Variants in SESN3 observed in about 807,000 individuals in gnomAD.
SESN3 encodes sestrin-3.
A neutral mutation model predicts 55.3 loss-of-function variants in SESN3; 21 were observed. The ratio of observed to expected loss-of-function variants is 0.38; its 90% CI spans 0.27 to 0.55. The LOEUF is 0.55. SESN3 is among the 20% of genes least tolerant of loss of function. The pLI, the probability that SESN3 is intolerant of heterozygous loss-of-function variation, is 0.76. For synonymous variants in SESN3, 181 were observed against 203.1 expected (o/e 0.89, Z 0.93); for missense variants, 408 against 604.3 (o/e 0.68, Z 3.41).
chr11:95,230,873 C>A lies in SESN3; in HGVS notation c.-13G>T, dbSNP rs1861046278. The A allele has an allele frequency of 5.1e-6, 8 of 1,564,484 alleles. No homozygotes were observed. The highest frequency in any genetic ancestry group is 1.1e-5 in the South Asian group (1 of 87,022). ...CGCCCCGGTTCATCGTGGCTGCGGG[C>A]GCCGAGGCGAGAGCGGGCGGAGGGC... is the stretch of plus-strand genomic sequence containing the variant. On this transcript the variant is annotated 5_prime_UTR_variant, in exon 1 of 10. Transcript: ENST00000536441. This position sits in a 1 kb window ranked among gnomAD's most constrained non-coding sequence, Gnocchi z 4.6.
At chr11:95,196,379 T>G (rs1860361030) in intron 1 of SESN3, among the ~76,000 whole-genome samples, 1 of 152,170 alleles carries the variant, frequency 6.6e-6, no homozygotes, top group Non-Finnish European at 1.5e-5. Flanking sequence ...TTCCACCCAC[T>G]TTTCTATCTC....
chr11:95,220,951 A>T (rs960378620), intron 1 of SESN3, among the ~76,000 whole-genome samples: 10 of 152,248 alleles, frequency 6.6e-5, no homozygotes, highest in African/African-American at 2.2e-4. Context: ...TGCTTAGCAC[A>T]TAAGTAGTAT....
intron 5 of SESN3, 126 bp from the exon 6 acceptor site, chr11:95,184,720 G>T: frequency 1.3e-6 from 1 of 758,170 alleles, no homozygotes; most frequent in East Asian, 2.6e-5. Flanking sequence ...TCTTAAGTCG[G>T]TTTTTCACCA....
At chr11:95,201,752 A>C (rs1860464083) in intron 1 of SESN3, among the ~76,000 whole-genome samples, 1 of 152,060 alleles carries the variant, frequency 6.6e-6, no homozygotes, top group African/African-American at 2.4e-5. Context: ...TAAATCTAAA[A>C]TCACATTCAT....
chr11:95,191,581 C>T lies in SESN3; in HGVS notation c.165G>A (p.Val55=), dbSNP rs1234909249. Residue 55 remains valine, a synonymous_variant, in exon 3 of 10, where the codon GTG becomes GTA. Transcript: ENST00000536441. ...CCACAAGAAAGTTAGTACGTTCATC[C>T]ACTGTGTTTGCTTGGACAACCTTAT... ...PEKEVVQANT[V]DERTNFLVEE... The T allele has an allele frequency of 1.9e-6, 3 of 1,612,292 alleles. No homozygotes were observed. In the East Asian group the frequency reaches 6.7e-5, roughly 36 times the overall value.
chr11:95,196,364 T>C (rs1860360752), intron 1 of SESN3, among the ~76,000 whole-genome samples: 1 of 152,160 alleles, frequency 6.6e-6, no homozygotes, highest in Admixed American at 6.6e-5. Flanking sequence ...ATTCTGAAAA[T>C]TTGTTTCCAC....
At position 95,195,071 on chromosome 11, in the gene SESN3, CAG is replaced by C. The variant is rs540929780; in HGVS notation, c.79-1551_79-1550del. On this transcript the variant is annotated intron_variant, in intron 1 of 9. Coordinates refer to ENST00000536441, the MANE Select transcript of SESN3 (RefSeq NM_144665.4). ...TGAGGTTTGAGGAAAAAAATTTCAA[CAG>C]GGAGATAAATCGAAATCTTTAAATA... Among the ~76,000 whole-genome samples, 16 of 152,110 alleles carry C rather than the reference CAG, an allele frequency of 1.1e-4. No individual in the cohort carries two copies. The South Asian group carries it at 3.3e-3, about 32-fold the overall frequency.
intron 8 of SESN3, among the ~76,000 whole-genome samples, chr11:95,177,406 G>GT (rs965157891): frequency 3.9e-5 from 6 of 151,986 alleles, no homozygotes; most frequent in African/African-American, 4.8e-5. Flanking sequence ...CACTACACCT[G>GT]TTTTTTTAAA....
intron 6 of SESN3, among the ~76,000 whole-genome samples, chr11:95,183,106 G>A (rs764011263): frequency 1.3e-5 from 2 of 152,114 alleles, no homozygotes. Context: ...AGTGCCCTGA[G>A]AGCAGGAATC....
At chr11:95,221,402 T>C (rs1860856854) in intron 1 of SESN3, among the ~76,000 whole-genome samples, 1 of 152,206 alleles carries the variant, frequency 6.6e-6, no homozygotes, top group Non-Finnish European at 1.5e-5. Flanking sequence ...TTCTAATATT[T>C]AGCATATATA....
chr11:95,230,990 T>C lies in SESN3; in HGVS notation c.-130A>G, dbSNP rs1861050266. 1 of 531,746 alleles carries C rather than the reference T, an allele frequency of 1.9e-6. No homozygotes were observed. Among genetic ancestry groups the C allele is most frequent in the Non-Finnish European group, 3.1e-6 (1 of 324,202 alleles). 32.9% of individuals were successfully genotyped at this position (531,746 alleles called of 1,614,324 possible). On this transcript the variant is annotated 5_prime_UTR_variant, in exon 1 of 10. Coordinates refer to ENST00000536441, the MANE Select transcript of SESN3 (RefSeq NM_144665.4). This position sits in a 1 kb window ranked among gnomAD's most constrained non-coding sequence, Gnocchi z 4.6. ...GCCTCAGCCTCCTCAAGGCGGGATG[T>C]CGGGAGGAGAGGCGACTGCCTGAAA...
Position 95,172,943 on chromosome 11 carries a change from C to A in SESN3, c.*312G>T. On this transcript the variant is annotated 3_prime_UTR_variant, in exon 10 of 10. Transcript: ENST00000536441. ...AGAAAAAATACACATACACACAACCCAAAGGCGCTGAAGTTAAGCATTAAT... is the reference window on the plus strand; with the variant it reads ...AGAAAAAATACACATACACACAACCAAAAGGCGCTGAAGTTAAGCATTAAT... 1 of 254,130 alleles carries A rather than the reference C, an allele frequency of 3.9e-6. No individual in the cohort carries two copies. Among genetic ancestry groups the A allele is most frequent in the Admixed American group, 5.1e-5 (1 of 19,616 alleles). 15.7% of individuals were successfully genotyped at this position (254,130 alleles called of 1,614,324 possible).
At position 95,171,025 on chromosome 11, in the gene SESN3, T is replaced by C. The variant is rs1480476584; in HGVS notation, c.*2230A>G. On this transcript the variant is annotated 3_prime_UTR_variant, in exon 10 of 10. Coordinates refer to ENST00000536441, the MANE Select transcript of SESN3 (RefSeq NM_144665.4). Reference sequence around the variant, plus strand: ...TTGGTCTAAAGCTCATATGGTGTTCTGTGAGAATTTCTCCTCCTTTTCAAT... The same window carrying C: ...TTGGTCTAAAGCTCATATGGTGTTCCGTGAGAATTTCTCCTCCTTTTCAAT... 1 of 152,192 alleles carries C rather than the reference T, an allele frequency of 6.6e-6. No homozygotes were observed. Among genetic ancestry groups the C allele is most frequent in the Non-Finnish European group, 1.5e-5 (1 of 68,016 alleles). 9.4% of individuals were successfully genotyped at this position (152,192 alleles called of 1,614,324 possible). A position where few individuals can be genotyped will look rare whatever the true frequency, so the allele number is the denominator to read the frequency against.
rs1859818388 is a variant in SESN3 at position 95,169,923 on chromosome 11, A to G, written c.*3332T>C. On this transcript the variant is annotated 3_prime_UTR_variant, in exon 10 of 10. Coordinates refer to ENST00000536441, the MANE Select transcript of SESN3 (RefSeq NM_144665.4). ...TTTATAGGATTCTTATATAAAACTT[A>G]TATTGAGTTTTCTGTTGTAAAAACA... 6.6e-6 allele frequency: 1 copy of G among 152,210 alleles called. No individual in the cohort carries two copies. Among genetic ancestry groups the G allele is most frequent in the Non-Finnish European group, 1.5e-5 (1 of 68,028 alleles). 9.4% of individuals were successfully genotyped at this position (152,210 alleles called of 1,614,324 possible).
chr11:95,221,495 GT>G (rs1860858798), intron 1 of SESN3, among the ~76,000 whole-genome samples: 1 of 152,102 alleles, frequency 6.6e-6, no homozygotes, highest in African/African-American at 2.4e-5. Flanking sequence ...AATAAAATAT[GT>G]ATCTAGAAAG....
At chr11:95,181,413 T>A (rs1024742510) in intron 6 of SESN3, among the ~76,000 whole-genome samples, 1 of 152,140 alleles carries the variant, frequency 6.6e-6, no homozygotes, top group Non-Finnish European at 1.5e-5. Flanking sequence ...AAATACTTTT[T>A]TCCTAAATTT....
chr11:95,230,497 T>G lies in SESN3; in HGVS notation c.78+286A>C. ...AAGGAGCCGACCCGGGGTAGCAAGG[T>G]AGGGAAATGAGCCGTAAAGGAGAGC... On this transcript the variant is annotated intron_variant, in intron 1 of 9. Transcript: ENST00000536441. This position sits in a 1 kb window ranked among gnomAD's most constrained non-coding sequence, Gnocchi z 4.6. 3 of 363,092 alleles carry G rather than the reference T, an allele frequency of 8.3e-6. No individual in the cohort carries two copies. Among genetic ancestry groups the G allele is most frequent in the Non-Finnish European group, 1.5e-5 (3 of 199,822 alleles). 22.5% of individuals were successfully genotyped at this position (363,092 alleles called of 1,614,324 possible).
chr11:95,188,136 C>G (rs1377667087), intron 4 of SESN3, among the ~76,000 whole-genome samples: 2 of 151,656 alleles, frequency 1.3e-5, no homozygotes, highest in African/African-American at 4.8e-5. Context: ...CAACATGGCA[C>G]AAAAACCTTT....
At position 95,230,390 on chromosome 11, in the gene SESN3, T is replaced by G. The variant is rs1352173058; in HGVS notation, c.78+393A>C. 2 of 176,696 alleles carry G rather than the reference T, an allele frequency of 1.1e-5. No individual in the cohort carries two copies. Among genetic ancestry groups the G allele is most frequent in the Non-Finnish European group, 2.4e-5 (2 of 83,484 alleles). The allele number at this position is 176,696 out of a possible 1,614,324, so 10.9% of individuals were successfully genotyped here. A position where few individuals can be genotyped will look rare whatever the true frequency, so the allele number is the denominator to read the frequency against. On this transcript the variant is annotated intron_variant, in intron 1 of 9. Coordinates refer to ENST00000536441, the MANE Select transcript of SESN3 (RefSeq NM_144665.4). This position sits in a 1 kb window ranked among gnomAD's most constrained non-coding sequence, Gnocchi z 4.6. ...CAGGTTCCTCGGGATCCGACCCAGCTGCTCTGATTTCACACCGACCTCCAT... is the reference window on the plus strand; with the variant it reads ...CAGGTTCCTCGGGATCCGACCCAGCGGCTCTGATTTCACACCGACCTCCAT...
Sources: gnomAD v4.1 joint callset for allele counts (sites outside exome capture counted in the v4.1 genomes callset) on GRCh38, gnomAD v4.1.1 for gene constraint, Gnocchi (gnomAD v3.1) non-coding constraint, MANE v1.5 for transcripts, NCBI Gene and HGNC (gene_info 2026-07-23, HGNC 2026-07-21) for gene names.